The following ZNF423 variants were observed in gnomAD, a reference collection of about 807,000 sequenced individuals.
ZNF423 encodes zinc finger protein 423.
Under a neutral mutation model 95.8 loss-of-function variants are expected in ZNF423, and 12 were observed. That is an observed-to-expected ratio of 0.13 (90% confidence interval 0.08 to 0.20). The LOEUF (loss-of-function observed/expected upper bound fraction) is 0.20, where lower values mean the gene tolerates loss of function less well. Among genes scored for constraint, ZNF423 ranks in the 10% least tolerant of loss-of-function variants. ZNF423 has a pLI of 1.00. For missense variants in ZNF423, 1,316 were observed against 1,737.1 expected (o/e 0.76, Z 4.31); for synonymous variants, 749 against 711.9 (o/e 1.05, Z -0.83).
chr16:49,643,329 G>T (rs1567528011), intron 3 of ZNF423, among the ~76,000 whole-genome samples: 1 of 152,152 alleles, frequency 6.6e-6, no homozygotes, highest in Non-Finnish European at 1.5e-5. Flanking sequence ...TTTGCTGTGT[G>T]CCAGGCATTC....
intron 3 of ZNF423, among the ~76,000 whole-genome samples, chr16:49,658,604 A>G (rs1207423082): frequency 3.3e-5 from 5 of 152,230 alleles, no homozygotes; most frequent in Non-Finnish European, 7.3e-5. Context: ...ACGACTCATC[A>G]GGCCTGGGGA....
chr16:49,758,693 G>C (rs1306519656), intron 2 of ZNF423, among the ~76,000 whole-genome samples: 1 of 152,164 alleles, frequency 6.6e-6, no homozygotes, highest in African/African-American at 2.4e-5. Context: ...AGTGAGCTAT[G>C]ATGGCACCAC....
intron 3 of ZNF423, among the ~76,000 whole-genome samples, chr16:49,723,918 C>T (rs1388376842): frequency 2.0e-5 from 3 of 152,172 alleles, no homozygotes; most frequent in South Asian, 2.1e-4. Flanking sequence ...GAATCCTTTC[C>T]GCTCCAGAGC....
At chr16:49,733,828 G>A (rs1003644093) in intron 2 of ZNF423, among the ~76,000 whole-genome samples, 3 of 152,166 alleles carry the variant, frequency 2.0e-5, no homozygotes, top group Admixed American at 6.5e-5. Flanking sequence ...AGAATCAGGC[G>A]CTGGAGAACA....
intron 3 of ZNF423, among the ~76,000 whole-genome samples, chr16:49,652,185 G>C (rs1185329184): frequency 1.3e-5 from 2 of 151,912 alleles, no homozygotes; most frequent in Admixed American, 1.3e-4. Context: ...ATGGCTGCTG[G>C]ACATGCAGGG....
chr16:49,831,239 G>A (rs1189493872), intron 1 of ZNF423, among the ~76,000 whole-genome samples: 2 of 151,924 alleles, frequency 1.3e-5, no homozygotes, highest in African/African-American at 2.4e-5. Flanking sequence ...ACCTCAAAGC[G>A]CCTGAGTCCA....
At chr16:49,854,136 C>G (rs1457791057) in intron 1 of ZNF423, 3 of 985,232 alleles carry the variant, frequency 3.0e-6, no homozygotes, top group Admixed American at 6.1e-5. Flanking sequence ...TCCCTGTCCC[C>G]CAATCAGAAC....
intron 7 of ZNF423, chr16:49,517,935 C>G: frequency 2.2e-6 from 1 of 453,758 alleles, no homozygotes; most frequent in Non-Finnish European, 4.4e-6. Context: ...AGAAACTGAT[C>G]AAAAGACCAT....
intron 7 of ZNF423, among the ~76,000 whole-genome samples, chr16:49,520,502 C>T (rs912352924): frequency 1.3e-5 from 2 of 152,248 alleles, no homozygotes; most frequent in Non-Finnish European, 2.9e-5. Flanking sequence ...TCTATTCCTG[C>T]AGCAGCACTT....
chr16:49,574,340 C>G (rs1283489144), intron 5 of ZNF423, among the ~76,000 whole-genome samples: 3 of 152,208 alleles, frequency 2.0e-5, no homozygotes, highest in Non-Finnish European at 4.4e-5. Context: ...GCTATGATAG[C>G]ACCACAGCAC....
At chr16:49,507,098 G>A (rs948042249) in intron 7 of ZNF423, among the ~76,000 whole-genome samples, 12 of 152,150 alleles carry the variant, frequency 7.9e-5, no homozygotes, top group Non-Finnish European at 1.2e-4. Context: ...CAAGTCACTC[G>A]CTTCTCTAAG....
At chr16:49,741,133 A>G (rs1264710742) in intron 2 of ZNF423, among the ~76,000 whole-genome samples, 1 of 151,912 alleles carries the variant, frequency 6.6e-6, no homozygotes, top group African/African-American at 2.4e-5. Context: ...GTGAGCACAC[A>G]GAAGCCCACC....
chr16:49,612,690 C>T (rs1055687223), intron 5 of ZNF423, among the ~76,000 whole-genome samples: 3 of 151,826 alleles, frequency 2.0e-5, no homozygotes, highest in Non-Finnish European at 2.9e-5. Flanking sequence ...GGCAATAAGG[C>T]AAGAAAAGGA....
intron 5 of ZNF423, among the ~76,000 whole-genome samples, chr16:49,569,703 T>A (rs375104398): frequency 7.9e-5 from 12 of 152,200 alleles, no homozygotes; most frequent in East Asian, 3.9e-4. Flanking sequence ...GTGTGGTGTA[T>A]CCCTAGCCTA....
At chr16:49,515,997 A>T (rs562700945) in intron 7 of ZNF423, among the ~76,000 whole-genome samples, 2 of 152,258 alleles carry the variant, frequency 1.3e-5, no homozygotes, top group Non-Finnish European at 2.9e-5. Flanking sequence ...AACAGCTCTG[A>T]CATTTGCGGG....
intron 1 of ZNF423, among the ~76,000 whole-genome samples, chr16:49,836,768 C>T (rs551466089): frequency 6.6e-6 from 1 of 152,300 alleles, no homozygotes; most frequent in African/African-American, 2.4e-5. Context: ...TTCTCCCCCA[C>T]TGAACCTCTC....
At chr16:49,642,285 T>C (rs1387877137) in intron 3 of ZNF423, among the ~76,000 whole-genome samples, 1 of 152,120 alleles carries the variant, frequency 6.6e-6, no homozygotes, top group African/African-American at 2.4e-5. Context: ...AGATGCCCCA[T>C]TTAGTGTCTG....
At chr16:49,663,506 G>T (rs916743925) in intron 3 of ZNF423, among the ~76,000 whole-genome samples, 6 of 151,790 alleles carry the variant, frequency 4.0e-5, no homozygotes, top group African/African-American at 1.2e-4. Context: ...ACTGGAGAGG[G>T]GACCAGTGCC....
chr16:49,529,802 A>C (rs2151717467), intron 5 of ZNF423, among the ~76,000 whole-genome samples: 1 of 152,204 alleles, frequency 6.6e-6, no homozygotes, highest in East Asian at 1.9e-4. Flanking sequence ...GGCGGGCTGC[A>C]GCGGGGTGTG....
Sources: gnomAD v4.1 joint callset for allele counts (sites outside exome capture counted in the v4.1 genomes callset) on GRCh38, gnomAD v4.1.1 for gene constraint, MANE v1.5 for transcripts, NCBI Gene and HGNC (gene_info 2026-07-23, HGNC 2026-07-21) for gene names.